Variants in CAMKMT observed in about 807,000 individuals in gnomAD.
The protein encoded by CAMKMT is calmodulin-lysine N-methyltransferase, also known as CaM KMT.
In CAMKMT, 53 loss-of-function variants were observed where a neutral mutation model predicts 48.0. That is an observed-to-expected ratio of 1.10 (90% CI 0.89 to 1.39). The LOEUF (loss-of-function observed/expected upper bound fraction) is 1.39. Ranked by LOEUF, CAMKMT falls within the 40% of genes most tolerant of loss-of-function variation. The probability of loss-of-function intolerance (pLI) is 0.00; values close to 1 mark genes in which losing one functional copy is unlikely to be tolerated. For missense variants in CAMKMT, 428 were observed against 402.7 expected (o/e 1.06, Z -0.54); for synonymous variants, 165 against 152.3 (o/e 1.08, Z -0.61).
At chr2:44,756,071 A>G (rs1680364642) in intron 9 of CAMKMT, among the ~76,000 whole-genome samples, 2 of 152,182 alleles carry the variant, frequency 1.3e-5, no homozygotes, top group African/African-American at 4.8e-5. Flanking sequence ...ACTTACTGAA[A>G]TTACCACCCA....
At chr2:44,387,577 T>G (rs1162198500) in intron 2 of CAMKMT, among the ~76,000 whole-genome samples, 3 of 149,804 alleles carry the variant, frequency 2.0e-5, no homozygotes, top group Non-Finnish European at 4.4e-5. Context: ...GAGTACTTTG[T>G]TTTTTTTTGT....
At chr2:44,656,480 G>T (rs1018426138) in intron 3 of CAMKMT, among the ~76,000 whole-genome samples, 9 of 152,064 alleles carry the variant, frequency 5.9e-5, no homozygotes, top group African/African-American at 2.2e-4. Flanking sequence ...TTCTCAAAAA[G>T]AATTTAATTA....
intron 3 of CAMKMT, among the ~76,000 whole-genome samples, chr2:44,564,175 A>C (rs1394303693): frequency 8.6e-6 from 1 of 116,808 alleles, no homozygotes; most frequent in African/African-American, 2.9e-5. Context: ...GTTGATCAGA[A>C]CTTTTTTTTT....
intron 3 of CAMKMT, among the ~76,000 whole-genome samples, chr2:44,472,415 G>A (rs114058603): frequency 3.7e-4 from 56 of 152,266 alleles, no homozygotes; most frequent in Admixed American, 7.8e-4. Flanking sequence ...AGTAGTCAGC[G>A]AATAAATTGT....
At chr2:44,362,274 C>T in intron 1 of CAMKMT, 129 bp downstream of exon 1, 2 of 770,590 alleles carry the variant, frequency 2.6e-6, no homozygotes, top group Non-Finnish European at 3.8e-6. Context: ...CCGGGAGCCA[C>T]CTGCGAAGCT....
At chr2:44,707,378 G>C in intron 5 of CAMKMT, 21 bp from the exon 6 acceptor site, 1 of 1,610,054 alleles carries the variant, frequency 6.2e-7, no homozygotes, top group Non-Finnish European at 8.5e-7. Flanking sequence ...ATTGTTTGCT[G>C]TGCTCCCTTT....
chr2:44,674,470 A>G (rs1414419528), intron 3 of CAMKMT, among the ~76,000 whole-genome samples: 1 of 152,196 alleles, frequency 6.6e-6, no homozygotes, highest in African/African-American at 2.4e-5. Flanking sequence ...GAAGAAAAAC[A>G]TGTATCTGAT....
intron 3 of CAMKMT, among the ~76,000 whole-genome samples, chr2:44,703,664 G>A (rs1253217508): frequency 6.6e-6 from 1 of 151,142 alleles, no homozygotes; most frequent in Non-Finnish European, 1.5e-5. Flanking sequence ...TGTAATCTCA[G>A]CTACTCAGGA....
At chr2:44,464,574 A>G (rs1668013988) in intron 3 of CAMKMT, among the ~76,000 whole-genome samples, 1 of 152,236 alleles carries the variant, frequency 6.6e-6, no homozygotes, top group Admixed American at 6.5e-5. Flanking sequence ...GAATCTGCAA[A>G]GCAGCAAGAG....
chr2:44,419,007 A>C (rs1204727176), intron 3 of CAMKMT, among the ~76,000 whole-genome samples: 4 of 152,152 alleles, frequency 2.6e-5, no homozygotes, highest in Non-Finnish European at 5.9e-5. Context: ...TAATATTTTA[A>C]ATAATCTTTT....
rs1043872067 is a variant in CAMKMT, at chr2:44,618,445, A to C, written c.377-85838A>C. ...ATTAGATTTTCAACCAGTAGACAAG[A>C]AGGGTGGCACTTGGGGACCTTTTTG... On this transcript the variant is annotated intron_variant, in intron 3 of 10. Transcript: ENST00000378494. The surrounding 1 kb of genome is among the most constrained non-coding windows in gnomAD (Gnocchi z 4.0). Among the ~76,000 whole-genome samples the C allele has an allele frequency of 3.3e-5, 5 of 152,198 alleles. No homozygotes were observed. Among genetic ancestry groups the C allele is most frequent in the Non-Finnish European group, 7.3e-5 (5 of 68,034 alleles).
At chr2:44,615,029 G>A (rs1671807850) in intron 3 of CAMKMT, among the ~76,000 whole-genome samples, 1 of 144,426 alleles carries the variant, frequency 6.9e-6, no homozygotes, top group African/African-American at 2.6e-5. Context: ...CTGGGCTCAA[G>A]CAATCCTGCC....
intron 3 of CAMKMT, among the ~76,000 whole-genome samples, chr2:44,610,851 T>G (rs1671556931): frequency 6.6e-6 from 1 of 152,188 alleles, no homozygotes. Flanking sequence ...TAGACTCAAT[T>G]TTTGAGAATT....
chr2:44,633,950 G>A (rs1422305175), intron 3 of CAMKMT, among the ~76,000 whole-genome samples: 2 of 151,966 alleles, frequency 1.3e-5, no homozygotes, highest in African/African-American at 2.4e-5. Context: ...GTTTTTTTAA[G>A]CTTTTGGAGG....
intron 3 of CAMKMT, among the ~76,000 whole-genome samples, chr2:44,658,054 C>T (rs473449): frequency 0.11 from 16,427 of 152,134 alleles, 959 homozygotes; most frequent in South Asian, 0.17. Flanking sequence ...TTGTTTTGTT[C>T]AGAACTTTTC....
intron 9 of CAMKMT, among the ~76,000 whole-genome samples, chr2:44,763,908 G>T (rs1172996530): frequency 6.6e-6 from 1 of 152,140 alleles, no homozygotes; most frequent in Non-Finnish European, 1.5e-5. Flanking sequence ...GACTCTTCAA[G>T]TGTTACTGTG....
rs200860760 is a variant in CAMKMT at position 44,372,883 on chromosome 2, C to G, written c.306C>G (p.Ser102=). 6.2e-7 allele frequency: 1 copy of G among 1,608,578 alleles called. No homozygotes were observed. The highest frequency in any genetic ancestry group is 1.1e-5 in the South Asian group (1 of 89,592). ...TSIFCPEYSI[S]LRHNSGSLNV... is the part of the protein sequence containing the mutation. ...TCTTCTGTCCTGAATACAGTATCTC[C>G]TTAAGGTAACCATTATTCTAGTTAA... Residue 102 remains serine (S), a synonymous_variant, in exon 2 of 11, where the codon TCC becomes TCG. Coordinates refer to ENST00000378494, the MANE Select transcript of CAMKMT (RefSeq NM_024766.5).
chr2:44,489,987 G>C (rs1669407354), intron 3 of CAMKMT, among the ~76,000 whole-genome samples: 1 of 151,682 alleles, frequency 6.6e-6, no homozygotes, highest in African/African-American at 2.4e-5. Context: ...GTATATATTA[G>C]ATTAATACAC....
intron 8 of CAMKMT, among the ~76,000 whole-genome samples, chr2:44,743,978 C>G (rs1301347514): frequency 6.6e-6 from 1 of 152,158 alleles, no homozygotes; most frequent in Non-Finnish European, 1.5e-5. Flanking sequence ...AAATGGACGA[C>G]TTAGGCAAAT....
Sources: gnomAD v4.1 joint callset for allele counts (sites outside exome capture counted in the v4.1 genomes callset) on GRCh38, gnomAD v4.1.1 for gene constraint, Gnocchi (gnomAD v3.1) non-coding constraint, MANE v1.5 for transcripts, NCBI Gene and HGNC (gene_info 2026-07-23, HGNC 2026-07-21) for gene names.